The following OR8G1 variants were observed in gnomAD, a reference collection of about 807,000 sequenced individuals.
OR8G1 encodes the protein olfactory receptor family 8 subfamily G member 1, also known as olfactory receptor 8G1.
For missense variants in OR8G1, 372 were observed against 356.2 expected (o/e 1.04, Z -0.36); for synonymous variants, 129 against 133.3 (o/e 0.97, Z 0.22).
At chr11:124,242,840 GT>G (rs769309621) in intron 1 of OR8G1, among the ~76,000 whole-genome samples, 1 of 151,840 alleles carries the variant, frequency 6.6e-6, no homozygotes, top group East Asian at 1.9e-4. Flanking sequence ...ATTTTAGCTT[GT>G]TTTTTTTAGC....
Position 124,250,176 on chromosome 11 carries a change from A to G in OR8G1, c.501A>G (p.Gln167=), listed in dbSNP as rs372855070. The change falls in exon 3 of 3, where the codon CAA becomes CAG. Residue 167 remains glutamine (Q), a synonymous_variant. Coordinates refer to ENST00000641972, the MANE Select transcript of OR8G1 (RefSeq NM_001002905.2). ...SVHTGCMFRV[Q]FCKFDLINHY... ...ATACAGGCTGTATGTTTAGGGTTCAATTCTGCAAATTTGATTTGATTAACC... is the reference window on the plus strand; with the variant it reads ...ATACAGGCTGTATGTTTAGGGTTCAGTTCTGCAAATTTGATTTGATTAACC... 1.5e-5 allele frequency: 25 copies of G among 1,613,634 alleles called. No homozygotes were observed. The highest frequency in any genetic ancestry group is 6.7e-5 in the African/African-American group (5 of 74,870).
chr11:124,248,962 G>A (rs574165659), intron 2 of OR8G1, among the ~76,000 whole-genome samples: 2 of 152,152 alleles, frequency 1.3e-5, no homozygotes, highest in Non-Finnish European at 2.9e-5. Flanking sequence ...TTATCCACGG[G>A]TATCATTAGT....
rs1316870453 is a variant in OR8G1, at chr11:124,250,145, C to A, written c.470C>A (p.Ser157Ter). Residue 157 changes from serine to a stop codon, truncating the protein, a stop_gained, in exon 3 of 3, where the codon TCA (serine) becomes TAA (stop). Coordinates refer to ENST00000641972, the MANE Select transcript of OR8G1 (RefSeq NM_001002905.2). LOFTEE classifies it low-confidence loss of function (END_TRUNC). ...GVYIIGLVCA[S>*]VHTGCMFRVQ... ...TATATAATAGGCCTGGTTTGTGCAT[C>A]AGTTCATACAGGCTGTATGTTTAGG... The A allele has an allele frequency of 6.2e-7, 1 of 1,613,804 alleles. No homozygotes were observed. The highest frequency in any genetic ancestry group is 1.1e-5 in the South Asian group (1 of 91,078).
chr11:124,242,109 G>A (rs1250689464), intron 1 of OR8G1, among the ~76,000 whole-genome samples: 1 of 150,734 alleles, frequency 6.6e-6, no homozygotes. Flanking sequence ...TATACTTTAA[G>A]TTTTAGGGTA....
intron 1 of OR8G1, among the ~76,000 whole-genome samples, chr11:124,242,452 G>T (rs1247022920): frequency 2.0e-5 from 3 of 152,064 alleles, no homozygotes; most frequent in Admixed American, 1.3e-4. Context: ...GGATGAGAAA[G>T]CTTGTGGCTG....
chr11:124,244,617 A>T (rs1378930513), intron 1 of OR8G1, among the ~76,000 whole-genome samples: 2 of 151,932 alleles, frequency 1.3e-5, no homozygotes, highest in Non-Finnish European at 2.9e-5. Flanking sequence ...TACATCCTAG[A>T]AAGGAAGGCA....
rs1208294839 is a variant in OR8G1, at chr11:124,245,975, C to T, written c.-96-1826C>T. ...TCCCATGTTGTAGGTTGCCTGTTCA[C>T]TCTGATGGTAGTTTCTTTTGCTGTG... On this transcript the variant is annotated intron_variant, in intron 1 of 2. Coordinates refer to ENST00000641972, the MANE Select transcript of OR8G1 (RefSeq NM_001002905.2). Among the ~76,000 whole-genome samples the T allele has an allele frequency of 3.8e-5, 5 of 130,954 alleles. 1 individual carries two copies. Among genetic ancestry groups the T allele is most frequent in the African/African-American group, 6.2e-5 (2 of 32,262 alleles). The allele number at this position is 130,954 out of a possible 152,430, so 85.9% of individuals were successfully genotyped here.
intron 1 of OR8G1, among the ~76,000 whole-genome samples, chr11:124,246,291 T>C (rs998036961): frequency 2.6e-5 from 4 of 151,984 alleles, no homozygotes; most frequent in Non-Finnish European, 5.9e-5. Context: ...ATTTTATTCC[T>C]AGGTATTTGA....
At position 124,251,365 on chromosome 11, in the gene OR8G1, T is replaced by G. The variant is rs2137751546; in HGVS notation, c.*754T>G. 3.7e-6 allele frequency: 2 copies of G among 537,734 alleles called. 1 individual carries two copies. The highest frequency in any genetic ancestry group is 4.4e-5 in the South Asian group (2 of 45,308). The allele number at this position is 537,734 out of a possible 1,614,324, so 33.3% of individuals were successfully genotyped here. A position where few individuals can be genotyped will look rare whatever the true frequency, so the allele number is the denominator to read the frequency against. On this transcript the variant is annotated 3_prime_UTR_variant, in exon 3 of 3. Coordinates refer to ENST00000641972, the MANE Select transcript of OR8G1 (RefSeq NM_001002905.2). ...TAGGAAAGCCATATGTATGTCATAC[T>G]TACTTTATCTATTTATCTCTCGAAG...
chr11:124,248,462 T>G (rs2137748909), intron 2 of OR8G1, among the ~76,000 whole-genome samples: 1 of 152,046 alleles, frequency 6.6e-6, no homozygotes, highest in Non-Finnish European at 1.5e-5. Context: ...AAAGAATTTC[T>G]CTAGCATTTT....
chr11:124,250,335 T>G lies in OR8G1; in HGVS notation c.660T>G (p.Phe220Leu). 1 of 1,613,808 alleles carries G rather than the reference T, an allele frequency of 6.2e-7. No individual in the cohort carries two copies. Among genetic ancestry groups the G allele is most frequent in the South Asian group, 1.1e-5 (1 of 91,082 alleles). ...TGACCATCCTTTGCTCTTACATCTTTATTATTGCCAGCATCCTCCACATTC... is the reference window on the plus strand; with the variant it reads ...TGACCATCCTTTGCTCTTACATCTTGATTATTGCCAGCATCCTCCACATTC... ...PSLTILCSYI[F>L]IIASILHIRS... The change falls in exon 3 of 3, where the codon TTT (phenylalanine) becomes TTG (leucine). Residue 220 changes from phenylalanine to leucine, a missense_variant. Transcript: ENST00000641972.
intron 1 of OR8G1, among the ~76,000 whole-genome samples, chr11:124,245,374 A>G (rs1372514238): frequency 6.6e-6 from 1 of 151,064 alleles, no homozygotes; most frequent in Admixed American, 6.6e-5. Flanking sequence ...ATAGTATTCC[A>G]TGGTGTATAT....
intron 1 of OR8G1, among the ~76,000 whole-genome samples, chr11:124,243,268 G>A (rs1861777172): frequency 6.6e-6 from 1 of 151,832 alleles, no homozygotes; most frequent in Admixed American, 6.6e-5. Flanking sequence ...TAATAGACCA[G>A]GAGCCCTATA....
chr11:124,251,657 G>A lies in OR8G1; in HGVS notation c.*1046G>A. On this transcript the variant is annotated 3_prime_UTR_variant, in exon 3 of 3. Transcript: ENST00000641972. ...ATTTTTTCTTTCTTTTCAAACATGT[G>A]GCACAGGAAGGTTAAAAAATATGTT... 4.9e-6 allele frequency: 1 copy of A among 203,252 alleles called. No homozygotes were observed. Among genetic ancestry groups the A allele is most frequent in the East Asian group, 1.4e-4 (1 of 7,394 alleles). The allele number at this position is 203,252 out of a possible 1,614,324, so 12.6% of individuals were successfully genotyped here. A position where few individuals can be genotyped will look rare whatever the true frequency, so the allele number is the denominator to read the frequency against.
chr11:124,242,137 G>A (rs551446960), intron 1 of OR8G1, among the ~76,000 whole-genome samples: 66 of 151,536 alleles, frequency 4.4e-4, no homozygotes, highest in Non-Finnish European at 8.8e-4. Context: ...ACACTGTGCA[G>A]GTTAGTTACA....
At position 124,249,813 on chromosome 11, in the gene OR8G1, C is replaced by T; in HGVS notation, c.138C>T (p.Thr46=). ...VVTVVGNLGM[T]TLIWLSSHLH... is the part of the protein sequence containing the mutation. ...CAGTGGTGGGCAACCTGGGCATGAC[C>T]ACACTGATTTGGCTCAGTTCTCACC... The change falls in exon 3 of 3, where the codon ACC becomes ACT. Residue 46 remains threonine, a synonymous_variant. Coordinates refer to ENST00000641972, the MANE Select transcript of OR8G1 (RefSeq NM_001002905.2). The T allele has an allele frequency of 6.2e-7, 1 of 1,613,978 alleles. No homozygotes were observed. The highest frequency in any genetic ancestry group is 8.5e-7 in the Non-Finnish European group (1 of 1,179,944).
At chr11:124,246,654 A>G (rs910179779) in intron 1 of OR8G1, among the ~76,000 whole-genome samples, 15 of 151,818 alleles carry the variant, frequency 9.9e-5, no homozygotes, top group Non-Finnish European at 1.8e-4. Context: ...AATCTAAACA[A>G]CATAATTAAT....
intron 2 of OR8G1, 92 bp from the exon 3 acceptor site, chr11:124,249,568 A>C: frequency 7.7e-7 from 1 of 1,302,320 alleles, no homozygotes; most frequent in Non-Finnish European, 1.0e-6. Flanking sequence ...TACCTAAAGC[A>C]TGAATATCTG....
chr11:124,250,436 C>G lies in OR8G1; in HGVS notation c.761C>G (p.Ser254Cys), dbSNP rs774381811. 21 of 1,613,664 alleles carry G rather than the reference C, an allele frequency of 1.3e-5. No homozygotes were observed. In the East Asian group the frequency reaches 4.7e-4, roughly 36 times the overall value. Residue 254 changes from serine (S) to cysteine (C), a missense_variant, in exon 3 of 3, where the codon TCT becomes TGT. By Grantham distance (112) the Ser-to-Cys change is moderately radical (BLOSUM62 -1). Transcript: ENST00000641972. ...HMLAVVIFFG[S>C]AAFMYLQPSS... Reference sequence around the variant, plus strand: ...TTGGCGGTTGTAATCTTTTTTGGATCTGCAGCATTCATGTACTTGCAGCCA... The same window carrying G: ...TTGGCGGTTGTAATCTTTTTTGGATGTGCAGCATTCATGTACTTGCAGCCA...
Sources: allele counts gnomAD v4.1 joint callset (sites outside exome capture counted in the v4.1 genomes callset), GRCh38; gene constraint gnomAD v4.1.1; transcripts MANE v1.5; gene names NCBI Gene and HGNC (gene_info 2026-07-23, HGNC 2026-07-21).